MYH15: variants seen among roughly 807,000 people sequenced by gnomAD.
MYH15 encodes myosin-15.
A neutral mutation model predicts 240.5 loss-of-function variants in MYH15; 227 were observed. That is an observed-to-expected ratio of 0.94 (90% CI 0.85 to 1.05). The LOEUF is 1.05. MYH15 is among the 50% of genes least tolerant of loss of function. The pLI is 0.00. For missense variants in MYH15, 2,217 were observed against 2,247.5 expected (o/e 0.99, Z 0.27); for synonymous variants, 785 against 796.7 (o/e 0.99, Z 0.25).
chr3:108,516,948 G>A (rs2083577602), intron 1 of MYH15, among the ~76,000 whole-genome samples: 1 of 152,130 alleles, frequency 6.6e-6, no homozygotes. Flanking sequence ...ACTGGGATGT[G>A]GCTTTTCCTC....
At chr3:108,456,211 A>G (rs902837841) in intron 19 of MYH15, among the ~76,000 whole-genome samples, 3 of 152,170 alleles carry the variant, frequency 2.0e-5, no homozygotes, top group African/African-American at 7.2e-5. Context: ...CTTTTCCAGG[A>G]TTCCTTTACC....
At chr3:108,488,411 G>C (rs373757402) in intron 9 of MYH15, among the ~76,000 whole-genome samples, 2 of 152,134 alleles carry the variant, frequency 1.3e-5, no homozygotes, top group African/African-American at 4.8e-5. Context: ...AGGCTCAAGT[G>C]ATCCTCCCAC....
intron 38 of MYH15, among the ~76,000 whole-genome samples, chr3:108,386,242 T>G (rs1362938043): frequency 6.6e-6 from 1 of 152,208 alleles, no homozygotes; most frequent in African/African-American, 2.4e-5. Flanking sequence ...TAGAAGTGGT[T>G]GCTGATGTTA....
At chr3:108,417,920 A>G (rs1253776812) in intron 28 of MYH15, among the ~76,000 whole-genome samples, 14 of 152,158 alleles carry the variant, frequency 9.2e-5, no homozygotes, top group Admixed American at 3.3e-4. Flanking sequence ...TTTAAAAATC[A>G]TATTTGTTAA....
chr3:108,392,058 A>G lies in MYH15; in HGVS notation c.5260-128T>C, dbSNP rs1009587238. ...GCCTCTATGTATGTGATCTCTTCCC[A>G]TTATAATCTCCCTAACCACTACCAC... On this transcript the variant is annotated intron_variant, in intron 36 of 40. Transcript: ENST00000693548. 6.2e-5 allele frequency: 63 copies of G among 1,015,466 alleles called. 1 individual carries two copies. Among genetic ancestry groups the G allele is most frequent in the Middle Eastern group, 4.7e-4 (2 of 4,290 alleles). The allele number at this position is 1,015,466 out of a possible 1,614,324, so 62.9% of individuals were successfully genotyped here. A position where few individuals can be genotyped will look rare whatever the true frequency, so the allele number is the denominator to read the frequency against.
the MYH15 span, chr3:108,550,234 T>C: frequency 6.6e-6 from 1 of 151,526 alleles, no homozygotes; most frequent in Non-Finnish European, 1.5e-5. Flanking sequence ...AATAAAGATA[T>C]TTAACCTATG....
At chr3:108,432,377 A>G (rs1166122512) in intron 25 of MYH15, among the ~76,000 whole-genome samples, 1 of 152,142 alleles carries the variant, frequency 6.6e-6, no homozygotes, top group African/African-American at 2.4e-5. Flanking sequence ...TCTTATAAGG[A>G]AAGCAGAACA....
chr3:108,409,862 A>G (rs567657352), intron 31 of MYH15, among the ~76,000 whole-genome samples: 1 of 152,362 alleles, frequency 6.6e-6, no homozygotes, highest in African/African-American at 2.4e-5. Context: ...GAATAATTGG[A>G]TCTAAAATGA....
At chr3:108,463,463 T>A (rs561477307) in intron 15 of MYH15, among the ~76,000 whole-genome samples, 2 of 152,108 alleles carry the variant, frequency 1.3e-5, no homozygotes, top group East Asian at 3.9e-4. Context: ...TATAGGCACA[T>A]GCCACCATGC....
intron 25 of MYH15, among the ~76,000 whole-genome samples, chr3:108,436,422 C>A (rs2082836911): frequency 1.3e-5 from 2 of 152,208 alleles, no homozygotes; most frequent in Non-Finnish European, 2.9e-5. Context: ...TCAAGCCTCA[C>A]CAAGAGCATG....
At chr3:108,495,314 C>A (rs2083381846) in intron 7 of MYH15, among the ~76,000 whole-genome samples, 1 of 152,052 alleles carries the variant, frequency 6.6e-6, no homozygotes, top group African/African-American at 2.4e-5. Context: ...CAAAATGTCT[C>A]CAGTGAAAAA....
At chr3:108,438,688 C>T (rs1183958139) in intron 24 of MYH15, among the ~76,000 whole-genome samples, 2 of 152,172 alleles carry the variant, frequency 1.3e-5, no homozygotes, top group South Asian at 2.1e-4. Context: ...AGAAGTCACC[C>T]TCCATAAACC....
chr3:108,507,230 T>C (rs1471541694), intron 1 of MYH15, among the ~76,000 whole-genome samples: 1 of 10,540 alleles, frequency 9.5e-5, no homozygotes, highest in Non-Finnish European at 2.4e-4. Flanking sequence ...AAAATGAATA[T>C]ATATATATAT....
At chr3:108,440,982 G>A (rs1036336231) in intron 23 of MYH15, 36 bp downstream of exon 23, 2 of 1,610,796 alleles carry the variant, frequency 1.2e-6, no homozygotes, top group Admixed American at 1.7e-5. Flanking sequence ...AATTCTGGCT[G>A]CTAGGCCTTC....
intron 1 of MYH15, among the ~76,000 whole-genome samples, chr3:108,526,101 TC>T: frequency 6.6e-6 from 1 of 152,208 alleles, no homozygotes; most frequent in Non-Finnish European, 1.5e-5. Context: ...GACGACTTCT[TC>T]CCTCATGATT....
At chr3:108,449,363 A>G (rs1042074073) in intron 21 of MYH15, among the ~76,000 whole-genome samples, 5 of 152,086 alleles carry the variant, frequency 3.3e-5, no homozygotes, top group Non-Finnish European at 7.4e-5. Flanking sequence ...CAATCAAAAC[A>G]GCATGGTATT....
At chr3:108,546,341 T>G in the MYH15 span, among the ~76,000 whole-genome samples, 1 of 152,200 alleles carries the variant, frequency 6.6e-6, no homozygotes, top group Non-Finnish European at 1.5e-5. Flanking sequence ...ATACATTATA[T>G]CTTTTGGCTC....
Position 108,425,447 on chromosome 3 carries a change from A to C in MYH15, c.3702+3045T>G, listed in dbSNP as rs182716553. Reference sequence around the variant, plus strand: ...AAGGAAGACTAGAAGCAAAAAAGATAATTTAGGAAACCACTGCAGTAATCT... The same window carrying C: ...AAGGAAGACTAGAAGCAAAAAAGATCATTTAGGAAACCACTGCAGTAATCT... On this transcript the variant is annotated intron_variant, in intron 27 of 40. Transcript: ENST00000693548. 2.0e-5 allele frequency among the ~76,000 whole-genome samples: 3 copies of C among 152,330 alleles called. No homozygotes were observed. The East Asian group carries it at 5.8e-4, about 29-fold the overall frequency.
At chr3:108,510,668 T>G, upstream of MYH15, 2 of 1,373,736 alleles carry the variant, frequency 1.5e-6, no homozygotes, top group Non-Finnish European at 1.0e-6. Context: ...TTCACATAGA[T>G]AGACTAAAGA....
Sources: gnomAD v4.1 joint callset for allele counts (sites outside exome capture counted in the v4.1 genomes callset) on GRCh38, gnomAD v4.1.1 for gene constraint, MANE v1.5 for transcripts, NCBI Gene and HGNC (gene_info 2026-07-23, HGNC 2026-07-21) for gene names.